ETFA: variants seen among roughly 807,000 people sequenced by gnomAD.
The protein encoded by ETFA is electron transfer flavoprotein subunit alpha, mitochondrial.
In ETFA, 22 loss-of-function variants were observed where a neutral mutation model predicts 46.2. That is an observed-to-expected ratio of 0.48 (90% CI 0.34 to 0.68). The LOEUF (loss-of-function observed/expected upper bound fraction) is 0.68. Ranked by LOEUF, ETFA falls within the 30% of genes least tolerant of loss-of-function variation. The probability of loss-of-function intolerance (pLI) is 0.01; values close to 1 mark genes in which losing one functional copy is unlikely to be tolerated. For missense variants in ETFA, 345 were observed against 401.1 expected (o/e 0.86, Z 1.19); for synonymous variants, 131 against 139.9 (o/e 0.94, Z 0.45).
At chr15:76,259,064 G>A (rs1267807071) in intron 9 of ETFA, 7 of 1,596,292 alleles carry the variant, frequency 4.4e-6, no homozygotes, top group Non-Finnish European at 6.0e-6. Context: ...TCTCTGGCTG[G>A]TGCTCTGCCT....
At chr15:76,285,555 A>T in intron 7 of ETFA, 82 bp downstream of exon 7, 1 of 795,718 alleles carries the variant, frequency 1.3e-6, no homozygotes, top group Non-Finnish European at 2.2e-6. Context: ...AGATCTGTGT[A>T]CTTCTAAAAT....
intron 2 of ETFA, among the ~76,000 whole-genome samples, chr15:76,294,562 T>C (rs1188200946): frequency 6.6e-6 from 1 of 152,218 alleles, no homozygotes; most frequent in Non-Finnish European, 1.5e-5. Flanking sequence ...TTTTAATATA[T>C]TTTTTGAGAC....
At chr15:76,258,130 T>C (rs182767201) in intron 9 of ETFA, among the ~76,000 whole-genome samples, 5 of 151,842 alleles carry the variant, frequency 3.3e-5, no homozygotes, top group African/African-American at 9.7e-5. Context: ...TGTAACTAAA[T>C]TGCACATTGT....
Position 76,304,274 on chromosome 15 carries a change from T to C in ETFA, c.39+7076A>G, listed in dbSNP as rs551558366. Reference sequence around the variant, plus strand: ...TGGATACAAAGAAGGGAACAATAGATACCTGGGCCTATTTGAGGGTGGAGG... The same window carrying C: ...TGGATACAAAGAAGGGAACAATAGACACCTGGGCCTATTTGAGGGTGGAGG... On this transcript the variant is annotated intron_variant, in intron 1 of 11. Transcript: ENST00000557943. 1.2e-3 allele frequency among the ~76,000 whole-genome samples: 184 copies of C among 152,232 alleles called. 1 individual carries two copies. The highest frequency in any genetic ancestry group is 1.8e-3 in the Non-Finnish European group (124 of 68,000).
intron 2 of ETFA, 21 bp downstream of exon 2, chr15:76,295,570 C>A: frequency 6.2e-7 from 1 of 1,605,998 alleles, no homozygotes; most frequent in Non-Finnish European, 8.5e-7. Context: ...TTTGCTATGG[C>A]TGACCTTAAA....
intron 9 of ETFA, among the ~76,000 whole-genome samples, chr15:76,272,281 C>T (rs1279177976): frequency 6.7e-6 from 1 of 149,502 alleles, no homozygotes. Context: ...AGTGCAGTGG[C>T]ACAATCTCGG....
chr15:76,302,383 GA>G (rs36097351), intron 1 of ETFA, among the ~76,000 whole-genome samples: 1 of 149,508 alleles, frequency 6.7e-6, no homozygotes, highest in African/African-American at 2.5e-5. Context: ...ATTACTTAGT[GA>G]AAAAAAAAAC....
At chr15:76,265,511 A>T (rs1245707564) in intron 9 of ETFA, among the ~76,000 whole-genome samples, 1 of 152,206 alleles carries the variant, frequency 6.6e-6, no homozygotes, top group African/African-American at 2.4e-5. Context: ...GGACTAGTAG[A>T]TACTGGAGCT....
rs1208925006 is a variant in ETFA at position 76,277,194 on chromosome 15, T to C, written c.734-2700A>G. Among the ~76,000 whole-genome samples the C allele has an allele frequency of 7.2e-5, 11 of 152,258 alleles. 1 individual carries two copies. The highest frequency in any genetic ancestry group is 6.2e-4 in the South Asian group (3 of 4,812). ...TGCTTCTCAGTTCCTCTCTCTCCCT[T>C]AGGTGGGACAGGATGGCTAGAATGG... On this transcript the variant is annotated intron_variant, in intron 8 of 11. Coordinates refer to ENST00000557943, the MANE Select transcript of ETFA (RefSeq NM_000126.4).
chr15:76,241,939 T>C lies in ETFA; in HGVS notation c.817-10541A>G, dbSNP rs2039196353. Among the ~76,000 whole-genome samples the C allele has an allele frequency of 2.1e-5, 3 of 144,770 alleles. No individual in the cohort carries two copies. In the Admixed American group the frequency reaches 2.1e-4, roughly 10 times the overall value. The allele number at this position is 144,770 out of a possible 152,430, so 95.0% of individuals were successfully genotyped here. A position where few individuals can be genotyped will look rare whatever the true frequency, so the allele number is the denominator to read the frequency against. ...GCAACCTCCGCCTCCTGGGTTCAAG[T>C]GAGTCTCATGCTTCAGCCTGCTGAG... On this transcript the variant is annotated intron_variant, in intron 9 of 11. Coordinates refer to ENST00000557943, the MANE Select transcript of ETFA (RefSeq NM_000126.4).
chr15:76,227,992 G>A (rs1397909875), intron 10 of ETFA: 1 of 455,786 alleles, frequency 2.2e-6, no homozygotes, highest in African/African-American at 2.0e-5. Flanking sequence ...AAAGGCACAA[G>A]AACAAACATT....
intron 9 of ETFA, among the ~76,000 whole-genome samples, chr15:76,249,129 ATT>A (rs71143303): frequency 1.4e-5 from 2 of 140,662 alleles, no homozygotes; most frequent in Non-Finnish European, 1.5e-5. Context: ...TACCATAGTA[ATT>A]TTTTTTTTTT....
intron 1 of ETFA, among the ~76,000 whole-genome samples, chr15:76,304,661 C>CAAAA (rs796277864): frequency 1.1e-5 from 1 of 87,116 alleles, no homozygotes; most frequent in Non-Finnish European, 2.4e-5. Context: ...GACTCTATTT[C>CAAAA]AAAAAAAAAA....
intron 9 of ETFA, among the ~76,000 whole-genome samples, chr15:76,234,031 T>C (rs1054599396): frequency 2.6e-5 from 4 of 152,158 alleles, no homozygotes; most frequent in Non-Finnish European, 5.9e-5. Context: ...TAACCATAAG[T>C]GTCACTAAGG....
chr15:76,259,646 A>G (rs1237581614), intron 9 of ETFA: 2 of 911,576 alleles, frequency 2.2e-6, no homozygotes, highest in Non-Finnish European at 3.7e-6. Flanking sequence ...ATTTGGAGGC[A>G]CAGCCCTAAC....
chr15:76,277,160 C>T (rs1030536611), intron 8 of ETFA, among the ~76,000 whole-genome samples: 5 of 152,160 alleles, frequency 3.3e-5, no homozygotes, highest in Non-Finnish European at 7.3e-5. Context: ...AGACTGTGAA[C>T]TTTACACATG....
chr15:76,244,170 C>T (rs1314162037), intron 9 of ETFA, among the ~76,000 whole-genome samples: 1 of 152,194 alleles, frequency 6.6e-6, no homozygotes, highest in African/African-American at 2.4e-5. Flanking sequence ...CAGGCGTGAG[C>T]CACCACATCC....
chr15:76,259,632 G>T, intron 9 of ETFA: 1 of 885,664 alleles, frequency 1.1e-6, no homozygotes, highest in Non-Finnish European at 1.9e-6. Flanking sequence ...CCACTTGACG[G>T]GCAATTTGGA....
chr15:76,291,445 C>CGG (rs1336257123), intron 4 of ETFA, among the ~76,000 whole-genome samples: 9 of 14,114 alleles, frequency 6.4e-4, no homozygotes, highest in African/African-American at 2.3e-3. Context: ...GACTCCATCT[C>CGG]GAAAAAAAAA....
Sources: allele counts gnomAD v4.1 joint callset (sites outside exome capture counted in the v4.1 genomes callset), GRCh38; gene constraint gnomAD v4.1.1; transcripts MANE v1.5; gene names NCBI Gene and HGNC (gene_info 2026-07-23, HGNC 2026-07-21).